RIMS2: variants seen among roughly 807,000 people sequenced by gnomAD.
RIMS2 encodes the protein regulating synaptic membrane exocytosis 2.
In RIMS2, 59 loss-of-function variants were observed where a neutral mutation model predicts 174.4. The ratio of observed to expected loss-of-function variants is 0.34; its 90% CI spans 0.27 to 0.42. The LOEUF (loss-of-function observed/expected upper bound fraction) is 0.42, where lower values mean the gene tolerates loss of function less well. Among genes scored for constraint, RIMS2 ranks in the 10% least tolerant of loss-of-function variants. The pLI, the probability that RIMS2 is intolerant of heterozygous loss-of-function variation, is 1.00. For synonymous variants in RIMS2, 606 were observed against 572.5 expected (o/e 1.06, Z -0.84); for missense variants, 1,620 against 1,666.3 (o/e 0.97, Z 0.48).
intron 1 of RIMS2, among the ~76,000 whole-genome samples, chr8:103,590,577 A>G (rs1368698179): frequency 2.0e-5 from 3 of 149,222 alleles, no homozygotes; most frequent in Non-Finnish European, 4.5e-5. Flanking sequence ...GAACACCCAT[A>G]TACCCACCAT....
intron 1 of RIMS2, among the ~76,000 whole-genome samples, chr8:103,600,241 T>C (rs535317955): frequency 1.3e-5 from 2 of 152,096 alleles, no homozygotes; most frequent in South Asian, 4.1e-4. Flanking sequence ...TAGTACTCCA[T>C]TGTGTATAAA....
At chr8:103,685,104 C>CT (rs58008098) in intron 1 of RIMS2, among the ~76,000 whole-genome samples, 26,094 of 138,894 alleles carry the variant, frequency 0.19, 2,494 homozygotes, top group African/African-American at 0.24. Context: ...TTTTCTTTTT[C>CT]TTTTTTTTTT....
chr8:104,173,378 T>A (rs1294361026), intron 19 of RIMS2, among the ~76,000 whole-genome samples: 1 of 152,154 alleles, frequency 6.6e-6, no homozygotes, highest in Non-Finnish European at 1.5e-5. Context: ...GATGTGCTGC[T>A]TCCTGATCTG....
chr8:103,699,984 A>G (rs2097149748), intron 2 of RIMS2, among the ~76,000 whole-genome samples: 1 of 152,116 alleles, frequency 6.6e-6, no homozygotes, highest in Admixed American at 6.6e-5. Context: ...TACTTATTTT[A>G]TGGCCCAGAA....
intron 1 of RIMS2, among the ~76,000 whole-genome samples, chr8:103,572,652 T>G (rs906539439): frequency 6.6e-6 from 1 of 152,182 alleles, no homozygotes. Context: ...CTCCAATGAT[T>G]AGTGATGATG....
At chr8:104,111,885 G>A (rs748946643) in intron 19 of RIMS2, among the ~76,000 whole-genome samples, 1 of 152,124 alleles carries the variant, frequency 6.6e-6, no homozygotes, top group East Asian at 1.9e-4. Flanking sequence ...CTAATCTAGC[G>A]CATGCTTAGA....
intron 19 of RIMS2, among the ~76,000 whole-genome samples, chr8:104,240,936 C>G (rs1004870853): frequency 8.6e-5 from 13 of 151,992 alleles, no homozygotes; most frequent in African/African-American, 2.9e-4. Context: ...TACCTCATTC[C>G]TAATGAGGTA....
At chr8:103,890,817 A>G in intron 4 of RIMS2, among the ~76,000 whole-genome samples, 1 of 151,128 alleles carries the variant, frequency 6.6e-6, no homozygotes, top group Non-Finnish European at 1.5e-5. Context: ...CATAGCCTTA[A>G]AAAGTAATAT....
chr8:104,131,386 T>A (rs944786072), intron 19 of RIMS2, among the ~76,000 whole-genome samples: 5 of 152,152 alleles, frequency 3.3e-5, no homozygotes, highest in Non-Finnish European at 5.9e-5. Flanking sequence ...TGGATTCTGA[T>A]CTGGGCAGTT....
chr8:103,669,315 G>A (rs1156867635), intron 1 of RIMS2, among the ~76,000 whole-genome samples: 1 of 152,184 alleles, frequency 6.6e-6, no homozygotes, highest in Non-Finnish European at 1.5e-5. Flanking sequence ...GGGAATTATG[G>A]AAGCTACAAT....
chr8:103,506,624 CATT>C (rs1823771396), intron 1 of RIMS2, among the ~76,000 whole-genome samples: 1 of 152,118 alleles, frequency 6.6e-6, no homozygotes, highest in South Asian at 2.1e-4. Flanking sequence ...AATAAATAAT[CATT>C]ATTGTTAACT....
chr8:103,829,614 C>T (rs2098813417), intron 3 of RIMS2, among the ~76,000 whole-genome samples: 1 of 152,088 alleles, frequency 6.6e-6, no homozygotes, highest in Non-Finnish European at 1.5e-5. Flanking sequence ...GAACACAAAA[C>T]CAAATACTGC....
intron 3 of RIMS2, among the ~76,000 whole-genome samples, chr8:103,836,695 A>G (rs1168647629): frequency 1.3e-5 from 2 of 152,226 alleles, no homozygotes; most frequent in Non-Finnish European, 2.9e-5. Context: ...TGAACATAAA[A>G]ATAGGACACA....
chr8:103,957,122 AG>A (rs1389201183), intron 14 of RIMS2, among the ~76,000 whole-genome samples: 4 of 148,250 alleles, frequency 2.7e-5, no homozygotes, highest in African/African-American at 9.7e-5. Context: ...GAGGATATCG[AG>A]AAATAGGAAC....
At chr8:103,501,873 C>T (rs965536994) in intron 1 of RIMS2, among the ~76,000 whole-genome samples, 1 of 152,150 alleles carries the variant, frequency 6.6e-6, no homozygotes, top group Admixed American at 6.5e-5. Flanking sequence ...GAAAGCAGCA[C>T]CCAGGCATGC....
intron 3 of RIMS2, chr8:103,768,994 G>T: frequency 2.9e-6 from 1 of 347,280 alleles, no homozygotes; most frequent in Non-Finnish European, 5.7e-6. Flanking sequence ...CTGTCTGCAA[G>T]CTTCTACTTC....
At position 103,868,185 on chromosome 8, in the gene RIMS2, T is replaced by C. The variant is rs527605012; in HGVS notation, c.699-17113T>C. ...TCTTGGTTGGATACGTATACATAAA[T>C]TGGTTAACTAGATAAGGTTCTAGTA... On this transcript the variant is annotated intron_variant, in intron 3 of 23. Transcript: ENST00000504942. 3.9e-5 allele frequency among the ~76,000 whole-genome samples: 6 copies of C among 152,148 alleles called. No individual in the cohort carries two copies. The South Asian group carries it at 1.0e-3, about 26-fold the overall frequency.
chr8:103,588,704 A>G (rs964309555), intron 1 of RIMS2, among the ~76,000 whole-genome samples: 3 of 152,002 alleles, frequency 2.0e-5, no homozygotes, highest in African/African-American at 7.2e-5. Flanking sequence ...CTGGATATCC[A>G]TATGCAGAAG....
chr8:103,612,535 C>G (rs2095406187), intron 1 of RIMS2, among the ~76,000 whole-genome samples: 1 of 152,176 alleles, frequency 6.6e-6, no homozygotes, highest in Admixed American at 6.5e-5. Flanking sequence ...TGTATAACAT[C>G]TGGAAGAATT....
Sources: allele counts gnomAD v4.1 joint callset (sites outside exome capture counted in the v4.1 genomes callset), GRCh38; gene constraint gnomAD v4.1.1; transcripts MANE v1.5; gene names NCBI Gene and HGNC (gene_info 2026-07-23, HGNC 2026-07-21).